RALGDS: variants seen among roughly 807,000 people sequenced by gnomAD.
RALGDS encodes ral guanine nucleotide exchange factor.
RALGDS carries 44 observed loss-of-function variants against 99.8 expected under a neutral mutation model. The ratio of observed to expected loss-of-function variants is 0.44; its 90% CI spans 0.35 to 0.57. RALGDS has a LOEUF of 0.57. Among genes scored for constraint, RALGDS ranks in the 20% least tolerant of loss-of-function variants. The pLI is 0.01. For synonymous variants in RALGDS, 529 were observed against 505.0 expected (o/e 1.05, Z -0.64); for missense variants, 1,022 against 1,203.1 (o/e 0.85, Z 2.23).
At chr9:133,129,137 A>T in intron 1 of RALGDS, 1 of 1,586,286 alleles carries the variant, frequency 6.3e-7, no homozygotes, top group Non-Finnish European at 8.5e-7. Flanking sequence ...CTGGAAACTC[A>T]CCTCGGTGGT....
upstream of RALGDS, among the ~76,000 whole-genome samples, chr9:133,133,220 C>T (rs1357181118): frequency 6.6e-6 from 1 of 152,254 alleles, no homozygotes; most frequent in African/African-American, 2.4e-5. Flanking sequence ...GGGGCTCCTC[C>T]TTTCGGAGCC....
At chr9:133,133,239 C>T (rs1278441204), upstream of RALGDS, among the ~76,000 whole-genome samples, 1 of 152,258 alleles carries the variant, frequency 6.6e-6, no homozygotes. Context: ...CCAGGGTGGG[C>T]AGGGCTACCC....
intron 8 of RALGDS, 73 bp downstream of exon 8, chr9:133,106,572 C>T: frequency 1.7e-6 from 2 of 1,204,894 alleles, no homozygotes; most frequent in Non-Finnish European, 1.2e-6. Flanking sequence ...CTCCCATGGG[C>T]TCACTAAGGG....
intron 1 of RALGDS, among the ~76,000 whole-genome samples, chr9:133,117,514 T>A (rs902602464): frequency 6.6e-6 from 1 of 152,302 alleles, no homozygotes; most frequent in Middle Eastern, 3.4e-3. Context: ...GCCAAGCCAC[T>A]GTTGGGCTGC....
upstream of RALGDS, among the ~76,000 whole-genome samples, chr9:133,132,634 T>C (rs1270544446): frequency 6.6e-6 from 1 of 151,630 alleles, no homozygotes; most frequent in Non-Finnish European, 1.5e-5. Flanking sequence ...CGCTCAACTT[T>C]CTTTTTTTCT....
At position 133,112,073 on chromosome 9, in the gene RALGDS, T is replaced by C; in HGVS notation, c.263A>G (p.His88Arg). Residue 88 changes from histidine to arginine, a missense_variant, in exon 2 of 18, where the codon CAC becomes CGC. Physicochemically the swap from His to Arg is conservative, Grantham distance 29 (BLOSUM62 0). Around this residue, in one of 3 missense-constraint regions of RALGDS, gnomAD observed 180 missense variants for 169.3 expected, o/e 1.06. Transcript: ENST00000372050. ...CCAGCGCTGCCCCTTGTTGCCTCCG[T>C]GGTGCAGCTGCACCTTGCGCAGGGA... is the stretch of plus-strand genomic sequence containing the variant. ...SISLRKVQLH[H>R]GGNKGQRWLG... is the part of the protein sequence containing the mutation. The C allele has an allele frequency of 6.3e-7, 1 of 1,585,620 alleles. No homozygotes were observed. Among genetic ancestry groups the C allele is most frequent in the Non-Finnish European group, 8.6e-7 (1 of 1,164,904 alleles).
At chr9:133,116,700 A>G (rs1588544000) in intron 1 of RALGDS, among the ~76,000 whole-genome samples, 1 of 152,250 alleles carries the variant, frequency 6.6e-6, no homozygotes, top group East Asian at 1.9e-4. Context: ...TCCTGGGTGC[A>G]AGGCCCTTTG....
Position 133,104,415 on chromosome 9 carries a change from G to A in RALGDS, c.1603-84C>T, listed in dbSNP as rs543125747. ...GACCTGGGGTGCTGCCAGTGTGGTC[G>A]GGTTCCAGGGCTGACCCTGTATCAA... On this transcript the variant is annotated intron_variant, in intron 9 of 17. Transcript: ENST00000372050. 6.9e-5 allele frequency: 88 copies of A among 1,279,050 alleles called. 1 individual carries two copies. In the Admixed American group the frequency reaches 9.5e-4, roughly 14 times the overall value. 79.2% of individuals were successfully genotyped at this position (1,279,050 alleles called of 1,614,324 possible).
upstream of RALGDS, chr9:133,131,197 G>GC: frequency 8.6e-7 from 1 of 1,161,398 alleles, no homozygotes; most frequent in Non-Finnish European, 1.1e-6. Flanking sequence ...GGCCTTAGGG[G>GC]ACCCAGCTGA....
chr9:133,120,838 T>G, intron 1 of RALGDS, 134 bp downstream of exon 1: 1 of 1,019,222 alleles, frequency 9.8e-7, no homozygotes, highest in Non-Finnish European at 1.3e-6. Context: ...GACCCCCACC[T>G]ATGGAGGAGA....
chr9:133,108,561 G>A, intron 5 of RALGDS, 112 bp downstream of exon 5: 1 of 1,458,238 alleles, frequency 6.9e-7, no homozygotes, highest in Non-Finnish European at 9.4e-7. Flanking sequence ...TGTGTGGTCT[G>A]AGGCTCATCT....
At chr9:133,147,492 TG>T (rs1365020990) in intron 1 of RALGDS, among the ~76,000 whole-genome samples, 2 of 151,830 alleles carry the variant, frequency 1.3e-5, no homozygotes, top group African/African-American at 2.4e-5. Flanking sequence ...CCAGGGTGAG[TG>T]CTTGGGCACA....
At chr9:133,099,615 CACAT>C (rs1028460356) in intron 17 of RALGDS, 4 of 154,594 alleles carry the variant, frequency 2.6e-5, no homozygotes, top group African/African-American at 9.7e-5. Context: ...TATATACACA[CACAT>C]ATACATGCAT....
intron 1 of RALGDS, chr9:133,148,863 G>T: frequency 6.9e-7 from 1 of 1,446,030 alleles, no homozygotes; most frequent in Non-Finnish European, 9.4e-7. Flanking sequence ...CACGCTCAGC[G>T]TGGACGCGGC....
chr9:133,127,924 A>G (rs889778599), intron 1 of RALGDS, among the ~76,000 whole-genome samples: 3 of 152,190 alleles, frequency 2.0e-5, no homozygotes, highest in Non-Finnish European at 2.9e-5. Context: ...GAGCAGTGCA[A>G]ACGGCCCTGG....
chr9:133,098,952 C>T lies in RALGDS; in HGVS notation c.2570-190G>A, dbSNP rs572199581. ...AGGACAGACTCTGCTGAGGTCCTCA[C>T]AAAACCTGATGACTCTTGTTTAAAC... On this transcript the variant is annotated intron_variant, in intron 17 of 17. Coordinates refer to ENST00000372050, the MANE Select transcript of RALGDS (RefSeq NM_006266.4). The T allele has an allele frequency of 4.9e-5, 30 of 609,642 alleles. 1 individual carries two copies. The highest frequency in any genetic ancestry group is 4.4e-4 in the African/African-American group (24 of 54,274). 37.8% of individuals were successfully genotyped at this position (609,642 alleles called of 1,614,324 possible). A position where few individuals can be genotyped will look rare whatever the true frequency, so the allele number is the denominator to read the frequency against.
At chr9:133,104,533 A>T (rs1830921903) in intron 9 of RALGDS, 5 of 601,294 alleles carry the variant, frequency 8.3e-6, no homozygotes, top group Non-Finnish European at 1.2e-5. Flanking sequence ...CGCCTGCTGC[A>T]TGGTGCGGTG....
At chr9:133,142,368 C>T (rs371692712) in intron 1 of RALGDS, among the ~76,000 whole-genome samples, 5 of 152,028 alleles carry the variant, frequency 3.3e-5, no homozygotes, top group East Asian at 1.9e-4. Flanking sequence ...GGTGGGTGTG[C>T]GCTGGTGGGG....
At chr9:133,148,974 C>T in exon 1 of RALGDS, 1 of 1,599,762 alleles carries the variant, frequency 6.3e-7, no homozygotes, top group East Asian at 2.3e-5. Flanking sequence ...TGGCAATCTA[C>T]CATCATCCTC....
Sources: gnomAD v4.1 joint callset for allele counts (sites outside exome capture counted in the v4.1 genomes callset) on GRCh38, gnomAD v4.1.1 for gene constraint, gnomAD v4.1.1 regional missense constraint, MANE v1.5 for transcripts, NCBI Gene and HGNC (gene_info 2026-07-23, HGNC 2026-07-21) for gene names.